Variants in ARAP2 observed in about 807,000 individuals in gnomAD.
ARAP2 encodes ArfGAP with RhoGAP domain, ankyrin repeat and PH domain 2, also known as arf-GAP with Rho-GAP domain, ANK repeat and PH domain-containing protein 2.
A neutral mutation model predicts 194.5 loss-of-function variants in ARAP2; 148 were observed. That is an observed-to-expected ratio of 0.76 (90% CI 0.67 to 0.87). The LOEUF (loss-of-function observed/expected upper bound fraction) is 0.87, where lower values mean the gene tolerates loss of function less well. ARAP2 is among the 40% of genes least tolerant of loss of function. The pLI is 0.00. For synonymous variants in ARAP2, 695 were observed against 683.5 expected (o/e 1.02, Z -0.26); for missense variants, 2,128 against 1,989.7 (o/e 1.07, Z -1.32).
chr4:36,024,040 G>A (rs1476365252), intron 5 of ARAP2, among the ~76,000 whole-genome samples: 1 of 152,160 alleles, frequency 6.6e-6, no homozygotes, highest in Non-Finnish European at 1.5e-5. Context: ...TGGGATCATA[G>A]GGTTGGGTGA....
At chr4:36,028,623 A>AT (rs1272592857) in intron 5 of ARAP2, among the ~76,000 whole-genome samples, 1 of 150,370 alleles carries the variant, frequency 6.7e-6, no homozygotes, top group Admixed American at 6.6e-5. Flanking sequence ...TTTTCCTGAA[A>AT]AAATCAGTCT....
At chr4:36,202,408 G>A (rs1029301659) in intron 6 of ARAP2, among the ~76,000 whole-genome samples, 3 of 151,808 alleles carry the variant, frequency 2.0e-5, no homozygotes, top group Non-Finnish European at 4.4e-5. Context: ...AACCAAATGA[G>A]CTGGGGCCAA....
At chr4:36,042,992 A>G (rs574170692) in intron 5 of ARAP2, among the ~76,000 whole-genome samples, 1 of 152,052 alleles carries the variant, frequency 6.6e-6, no homozygotes, top group South Asian at 2.1e-4. Context: ...ACAGGTGCCC[A>G]CTACCATGCC....
intron 6 of ARAP2, among the ~76,000 whole-genome samples, chr4:36,193,853 T>C (rs1686287871): frequency 6.6e-6 from 1 of 152,218 alleles, no homozygotes; most frequent in Non-Finnish European, 1.5e-5. Flanking sequence ...ACCTAGGAAT[T>C]TTTTGTTAAT....
intron 31 of ARAP2, among the ~76,000 whole-genome samples, chr4:36,074,731 C>T (rs1727840842): frequency 6.6e-6 from 1 of 152,016 alleles, no homozygotes; most frequent in Admixed American, 6.6e-5. Context: ...CTCTTTATTT[C>T]TCTCAGTTCT....
At chr4:36,214,559 T>C in intron 2 of ARAP2, 79 bp from the exon 3 acceptor site, 2 of 885,636 alleles carry the variant, frequency 2.3e-6, no homozygotes, top group Non-Finnish European at 3.3e-6. Flanking sequence ...TATTAGAAAA[T>C]ATTATGAGAA....
At chr4:36,158,981 G>T in intron 14 of ARAP2, 117 bp from the exon 15 acceptor site, 3 of 981,848 alleles carry the variant, frequency 3.1e-6, no homozygotes, top group Non-Finnish European at 4.2e-6. Flanking sequence ...ATTTACCAAA[G>T]AATAATTACA....
chr4:36,186,418 C>T (rs1309882344), intron 8 of ARAP2, among the ~76,000 whole-genome samples: 4 of 152,110 alleles, frequency 2.6e-5, no homozygotes, highest in Non-Finnish European at 5.9e-5. Flanking sequence ...CCATCAAGTG[C>T]CCCATAGATG....
In ARAP2 at chr4:36,160,652, A is replaced by AT; in HGVS notation, c.2260-12_2260-11insA. 4.0e-6 allele frequency: 5 copies of AT among 1,235,316 alleles called. No homozygotes were observed. The highest frequency in any genetic ancestry group is 5.1e-6 in the Non-Finnish European group (5 of 986,458). 76.5% of individuals were successfully genotyped at this position (1,235,316 alleles called of 1,614,324 possible). On this transcript the variant is annotated splice_polypyrimidine_tract_variant and intron_variant, in intron 12 of 32. Coordinates refer to ENST00000303965, the MANE Select transcript of ARAP2 (RefSeq NM_015230.4). The stretch of plus-strand genomic sequence containing the variant: ...AATGACAATAAAAAGCTGAATTGTC[A>AT]AAAAAAAAACCCCATAATATATCAG...
intron 20 of ARAP2, among the ~76,000 whole-genome samples, chr4:36,131,565 T>C (rs1725468038): frequency 6.6e-6 from 1 of 151,654 alleles, no homozygotes; most frequent in African/African-American, 2.4e-5. Context: ...GTTGTTATAA[T>C]ATATGAGTTT....
chr4:36,170,935 T>C (rs1337740378), intron 9 of ARAP2, among the ~76,000 whole-genome samples: 1 of 150,306 alleles, frequency 6.7e-6, no homozygotes, highest in East Asian at 1.9e-4. Context: ...ATGCAGTAGG[T>C]GGAAAAAAAA....
intron 8 of ARAP2, among the ~76,000 whole-genome samples, chr4:36,186,400 G>T (rs886435433): frequency 6.6e-6 from 1 of 152,106 alleles, no homozygotes; most frequent in Admixed American, 6.5e-5. Context: ...TCTTTGGGTC[G>T]GCTTTTACCA....
At chr4:36,145,662 G>T (rs1027053260) in intron 19 of ARAP2, among the ~76,000 whole-genome samples, 1 of 151,878 alleles carries the variant, frequency 6.6e-6, no homozygotes, top group Non-Finnish European at 1.5e-5. Flanking sequence ...CACATATGTA[G>T]ATATGTGCCC....
chr4:36,208,492 T>G (rs1746048765), intron 6 of ARAP2, among the ~76,000 whole-genome samples: 2 of 152,214 alleles, frequency 1.3e-5, no homozygotes, highest in Admixed American at 1.3e-4. Context: ...ATATGGAGTT[T>G]GGAATCCCAT....
chr4:36,218,918 T>C (rs1484475254), intron 2 of ARAP2, among the ~76,000 whole-genome samples: 2 of 152,102 alleles, frequency 1.3e-5, no homozygotes, highest in Non-Finnish European at 2.9e-5. Flanking sequence ...AGGTGAAAGA[T>C]CTGAAAAGGC....
intron 27 of ARAP2, among the ~76,000 whole-genome samples, chr4:36,092,543 G>C (rs890503197): frequency 1.3e-5 from 2 of 152,178 alleles, no homozygotes; most frequent in Admixed American, 6.5e-5. Context: ...CCAGGAGGCA[G>C]AGGTTGCAGT....
At chr4:36,018,075 A>G (rs1033711316) in intron 6 of ARAP2, among the ~76,000 whole-genome samples, 1 of 152,194 alleles carries the variant, frequency 6.6e-6, no homozygotes, top group Non-Finnish European at 1.5e-5. Context: ...TTATAATAAA[A>G]TTATTTAGTT....
At chr4:36,182,502 A>AATAC (rs2109870087) in intron 8 of ARAP2, among the ~76,000 whole-genome samples, 1 of 147,232 alleles carries the variant, frequency 6.8e-6, no homozygotes, top group South Asian at 2.1e-4. Context: ...TCTCTAAATA[A>AATAC]ATAAATAAAT....
downstream of ARAP2, among the ~76,000 whole-genome samples, chr4:36,061,051 A>C (rs1306652701): frequency 6.6e-6 from 1 of 152,128 alleles, no homozygotes. Context: ...ACATTGCTAG[A>C]AGCAGTTTTT....
Sources: allele counts gnomAD v4.1 joint callset (sites outside exome capture counted in the v4.1 genomes callset), GRCh38; gene constraint gnomAD v4.1.1; transcripts MANE v1.5; gene names NCBI Gene and HGNC (gene_info 2026-07-23, HGNC 2026-07-21).